The following DACH2 variants were observed in gnomAD, a reference collection of about 807,000 sequenced individuals.
DACH2 encodes dachshund family transcription factor 2.
In DACH2, 17 loss-of-function variants were observed where a neutral mutation model predicts 35.8. The observed-to-expected ratio is 0.48, with a 90% CI of 0.33 to 0.71. The LOEUF (loss-of-function observed/expected upper bound fraction) is 0.71. DACH2 is among the 30% of genes least tolerant of loss of function. The pLI, the probability that DACH2 is intolerant of heterozygous loss-of-function variation, is 0.02. For missense variants in DACH2, 469 were observed against 472.7 expected (o/e 0.99, Z 0.07); for synonymous variants, 195 against 177.3 (o/e 1.10, Z -0.79).
At chrX:86,729,884 T>C (rs185163333) in intron 6 of DACH2, among the ~76,000 whole-genome samples, 2 of 111,901 alleles carry the variant, frequency 1.8e-5, no homozygotes, top group African/African-American at 6.5e-5. Context: ...CTATGCTTCC[T>C]GTGCATCCTG....
At chrX:86,336,941 C>A (rs145475441) in intron 1 of DACH2, among the ~76,000 whole-genome samples, 2,070 of 107,113 alleles carry the variant, frequency 0.019, 46 homozygotes, top group African/African-American at 0.067. Context: ...CACAAGTATC[C>A]ATAGCTGAAT....
At chrX:86,394,049 T>C (rs2036242952) in intron 2 of DACH2, among the ~76,000 whole-genome samples, 1 of 109,116 alleles carries the variant, frequency 9.2e-6, no homozygotes, top group Admixed American at 9.9e-5. Context: ...CGCTCTCCCA[T>C]GAAACTTTTT....
At chrX:86,770,164 A>G (rs1335442239) in intron 7 of DACH2, among the ~76,000 whole-genome samples, 1 of 43,477 alleles carries the variant, frequency 2.3e-5, no homozygotes. Context: ...AATAAGAGCC[A>G]CTCATTTTTT....
rs767399623 is a variant in DACH2 at position 86,475,152 on chromosome X, G to T, written c.528-39127G>T. Among the ~76,000 whole-genome samples, 5 of 111,244 alleles carry T rather than the reference G, an allele frequency of 4.5e-5. No homozygotes were observed. In the South Asian group the frequency reaches 1.5e-3, roughly 34 times the overall value. On this transcript the variant is annotated intron_variant, in intron 2 of 11. Coordinates refer to ENST00000373125, the MANE Select transcript of DACH2 (RefSeq NM_053281.3). ...GTTGTTTTTACTCGGGATAGTTTTG[G>T]TTATTCTGGGTCTTTTGTGGTACCA...
rs981548480 is a variant in DACH2, at chrX:86,533,814, AT to A, written c.640+19433del. Reference sequence around the variant, plus strand: ...TCTTTGGTGCCATTACTTCTATGCCATTTTTTTTTTAATTCCAGAATGGTAG... The same window carrying A: ...TCTTTGGTGCCATTACTTCTATGCCATTTTTTTTTAATTCCAGAATGGTAG... On this transcript the variant is annotated intron_variant, in intron 3 of 11. Transcript: ENST00000373125. Among the ~76,000 whole-genome samples, 60 of 107,896 alleles carry A rather than the reference AT, an allele frequency of 5.6e-4. 1 individual carries two copies. The highest frequency in any genetic ancestry group is 2.0e-3 in the East Asian group (7 of 3,463). 93.7% of individuals were successfully genotyped at this position (107,896 alleles called of 115,157 possible).
intron 1 of DACH2, among the ~76,000 whole-genome samples, chrX:86,288,969 G>T (rs2147994356): frequency 9.0e-6 from 1 of 110,846 alleles, no homozygotes; most frequent in East Asian, 2.9e-4. Flanking sequence ...TTGCCCTGTA[G>T]CCACCATAGC....
chrX:86,240,140 A>G (rs1569312919), intron 1 of DACH2, among the ~76,000 whole-genome samples: 1 of 111,720 alleles, frequency 9.0e-6, no homozygotes, highest in Non-Finnish European at 1.9e-5. Flanking sequence ...ATTCTACTTA[A>G]ACTGTCATTT....
intron 2 of DACH2, among the ~76,000 whole-genome samples, chrX:86,449,835 A>G (rs926672385): frequency 2.7e-5 from 3 of 111,640 alleles, no homozygotes; most frequent in Non-Finnish European, 5.7e-5. Flanking sequence ...TTTATACTGC[A>G]TATATTTTAA....
chrX:86,381,831 C>T (rs768937790), intron 2 of DACH2, among the ~76,000 whole-genome samples: 1 of 110,498 alleles, frequency 9.0e-6, no homozygotes, highest in Admixed American at 9.6e-5. Flanking sequence ...AATTCAAGGA[C>T]AGTTAGGGGT....
chrX:86,440,236 A>G (rs1280811912), intron 2 of DACH2, among the ~76,000 whole-genome samples: 1 of 111,260 alleles, frequency 9.0e-6, no homozygotes, highest in Non-Finnish European at 1.9e-5. Flanking sequence ...TCCTGCTCTA[A>G]TAGTTGATTC....
At chrX:86,635,360 G>C (rs1016227824) in intron 3 of DACH2, among the ~76,000 whole-genome samples, 8 of 105,865 alleles carry the variant, frequency 7.6e-5, no homozygotes, top group African/African-American at 2.4e-4. Context: ...TCTCAAACTA[G>C]GTATTGAAGG....
intron 5 of DACH2, among the ~76,000 whole-genome samples, chrX:86,697,710 A>C (rs1339198316): frequency 9.3e-6 from 1 of 107,412 alleles, no homozygotes; most frequent in Non-Finnish European, 1.9e-5. Context: ...TAAAAAAAAA[A>C]GAACTCCAAC....
Position 86,646,481 on chromosome X carries a change from A to G in DACH2, c.641-4555A>G, listed in dbSNP as rs2040416554. On this transcript the variant is annotated intron_variant, in intron 3 of 11. Coordinates refer to ENST00000373125, the MANE Select transcript of DACH2 (RefSeq NM_053281.3). ...GGAGTTAAATATAAGACCTGACATG[A>G]CAAAACTGATAGAAGAAAACATAGG... Among the ~76,000 whole-genome samples, 5 of 110,600 alleles carry G rather than the reference A, an allele frequency of 4.5e-5. No homozygotes were observed. The South Asian group carries it at 1.9e-3, about 42-fold the overall frequency.
chrX:86,414,924 G>T (rs2036677684), intron 2 of DACH2, among the ~76,000 whole-genome samples: 1 of 111,400 alleles, frequency 9.0e-6, no homozygotes, highest in Non-Finnish European at 1.9e-5. Flanking sequence ...AGAGGGACAG[G>T]ACTTATAGGA....
chrX:86,349,243 C>G (rs1290055253), intron 1 of DACH2, among the ~76,000 whole-genome samples: 1 of 111,486 alleles, frequency 9.0e-6, no homozygotes, highest in Non-Finnish European at 1.9e-5. Context: ...GGCCACCCAG[C>G]TGTCAGGCTC....
chrX:86,515,118 C>T (rs1228706203), intron 3 of DACH2, among the ~76,000 whole-genome samples: 4 of 110,836 alleles, frequency 3.6e-5, no homozygotes, highest in Admixed American at 1.9e-4. Flanking sequence ...CATAATGATA[C>T]GAACATTTAT....
chrX:86,334,265 A>T (rs2035263344), intron 1 of DACH2, among the ~76,000 whole-genome samples: 1 of 112,002 alleles, frequency 8.9e-6, no homozygotes, highest in African/African-American at 3.3e-5. Context: ...CATTGGGTCT[A>T]CACCCAGTAA....
chrX:86,679,877 G>A (rs908330874), intron 4 of DACH2, among the ~76,000 whole-genome samples: 2 of 110,981 alleles, frequency 1.8e-5, no homozygotes, highest in African/African-American at 6.6e-5. Flanking sequence ...TTAAAATTTG[G>A]TAGGCTGTAG....
chrX:86,823,680 C>T (rs989627057), intron 11 of DACH2, among the ~76,000 whole-genome samples: 1 of 111,833 alleles, frequency 8.9e-6, no homozygotes, highest in Admixed American at 9.5e-5. Context: ...CCATAAGTGT[C>T]GGCTGGCTGA....
Sources: allele counts gnomAD v4.1 joint callset (sites outside exome capture counted in the v4.1 genomes callset), GRCh38; gene constraint gnomAD v4.1.1; transcripts MANE v1.5; gene names NCBI Gene and HGNC (gene_info 2026-07-23, HGNC 2026-07-21).